The following PFKFB3 variants were observed in gnomAD, a reference collection of about 807,000 sequenced individuals.
The protein encoded by PFKFB3 is 6-phosphofructo-2-kinase/fructose-2,6-biphosphatase 3.
A neutral mutation model predicts 68.0 loss-of-function variants in PFKFB3; 33 were observed. The observed-to-expected ratio is 0.49, with a 90% confidence interval of 0.37 to 0.65. PFKFB3 has a LOEUF of 0.65. PFKFB3 is among the 30% of genes least tolerant of loss of function. The probability of loss-of-function intolerance (pLI) is 0.00; values close to 1 mark genes in which losing one functional copy is unlikely to be tolerated. For missense variants in PFKFB3, 586 were observed against 712.2 expected, an observed-to-expected ratio of 0.82 and a Z score of 2.02; for synonymous variants, 315 against 288.2, an observed-to-expected ratio of 1.09 and a Z score of -0.94.
intron 14 of PFKFB3, chr10:6,231,196 C>T (rs1320872869): frequency 8.8e-7 from 1 of 1,132,214 alleles, no homozygotes; most frequent in African/African-American, 1.5e-5. Context: ...GAAAATCCTA[C>T]TAAAGATTTT....
At chr10:6,325,102 T>TA in the PFKFB3 span, among the ~76,000 whole-genome samples, 7 of 152,088 alleles carry the variant, frequency 4.6e-5, no homozygotes. Context: ...TAGCTGGGGT[T>TA]ACAGGCGCCG....
intron 14 of PFKFB3, chr10:6,231,470 C>T (rs901046073): frequency 3.0e-5 from 30 of 985,226 alleles, no homozygotes; most frequent in African/African-American, 3.5e-5. Flanking sequence ...TAGTCTGTCT[C>T]TCACCCCCCA....
chr10:6,232,520 C>A (rs1202697741), intron 14 of PFKFB3, among the ~76,000 whole-genome samples: 1 of 152,138 alleles, frequency 6.6e-6, no homozygotes, highest in East Asian at 1.9e-4. Context: ...CTTGGAGGCC[C>A]CGGGCTCATC....
At chr10:6,225,474 C>G (rs1479732456) in intron 13 of PFKFB3, among the ~76,000 whole-genome samples, 3 of 152,218 alleles carry the variant, frequency 2.0e-5, no homozygotes, top group Non-Finnish European at 2.9e-5. Context: ...AGCCACTGCC[C>G]CCGCTATGGG....
At chr10:6,196,604 G>A (rs1212117790) in intron 1 of PFKFB3, among the ~76,000 whole-genome samples, 3 of 152,320 alleles carry the variant, frequency 2.0e-5, no homozygotes, top group Non-Finnish European at 4.4e-5. Context: ...ACAGGAGAAA[G>A]ATGTAGGCGC....
the PFKFB3 span, among the ~76,000 whole-genome samples, chr10:6,265,436 G>C: frequency 6.6e-6 from 1 of 152,224 alleles, no homozygotes; most frequent in East Asian, 1.9e-4. Flanking sequence ...CAATTTTGAA[G>C]AATACAAGCC....
At position 6,219,925 on chromosome 10, in the gene PFKFB3, T is replaced by C. The variant is rs35881449; in HGVS notation, c.623+232T>C. 3.0e-4 allele frequency among the ~76,000 whole-genome samples: 46 copies of C among 152,248 alleles called. 3 individuals are homozygous for C. The East Asian group carries it at 8.9e-3, about 29-fold the overall frequency. On this transcript the variant is annotated intron_variant, in intron 7 of 14. Transcript: ENST00000379775. Reference sequence around the variant, plus strand: ...TTTATCAACTCTCTTTGAAAATATCTTTTAAAAACAATCCTTGATGACAAA... The same window carrying C: ...TTTATCAACTCTCTTTGAAAATATCCTTTAAAAACAATCCTTGATGACAAA...
At chr10:6,177,421 CTTCCTTTCTT>C in intron 1 of PFKFB3, among the ~76,000 whole-genome samples, 63 of 78,950 alleles carry the variant, frequency 8.0e-4, no homozygotes, top group African/African-American at 2.5e-3. Flanking sequence ...CTTTCTCTTT[CTTCCTTTCTT>C]TTCTTTCTCT....
At chr10:6,157,128 G>A (rs1666887092) in intron 1 of PFKFB3, among the ~76,000 whole-genome samples, 1 of 151,706 alleles carries the variant, frequency 6.6e-6, no homozygotes, top group South Asian at 2.1e-4. Context: ...ATTTTAAAAA[G>A]CAATTCTGCC....
In PFKFB3 at chr10:6,203,110, A is replaced by G; in HGVS notation, c.-151A>G. 6.8e-7 allele frequency: 1 copy of G among 1,472,430 alleles called. No homozygotes were observed. The allele number at this position is 1,472,430 out of a possible 1,614,324, so 91.2% of individuals were successfully genotyped here. A position where few individuals can be genotyped will look rare whatever the true frequency, so the allele number is the denominator to read the frequency against. ...AGGCGAGGGTCCGGAACTTAGCCCA[A>G]AGCACGTTTCCCCTGGCAGCGCAGG... On this transcript the variant is annotated 5_prime_UTR_variant, in exon 1 of 15. Transcript: ENST00000379775.
intron 1 of PFKFB3, among the ~76,000 whole-genome samples, chr10:6,187,390 T>A (rs1842898659): frequency 6.6e-6 from 1 of 151,978 alleles, no homozygotes; most frequent in Non-Finnish European, 1.5e-5. Context: ...CAAGGGCCTT[T>A]TTGTCCTATC....
chr10:6,186,106 A>T (rs1309257671), intron 1 of PFKFB3, among the ~76,000 whole-genome samples: 1 of 152,170 alleles, frequency 6.6e-6, no homozygotes, highest in East Asian at 1.9e-4. Context: ...TTTCGGTGGT[A>T]TATGATGGAG....
At chr10:6,314,743 C>T in the PFKFB3 span, among the ~76,000 whole-genome samples, 5 of 152,114 alleles carry the variant, frequency 3.3e-5, no homozygotes, top group African/African-American at 1.2e-4. Context: ...ATGGCCGGGT[C>T]GAAGGGTAGG....
chr10:6,177,111 T>C (rs757562665), intron 1 of PFKFB3, among the ~76,000 whole-genome samples: 2 of 152,212 alleles, frequency 1.3e-5, no homozygotes, highest in African/African-American at 2.4e-5. Context: ...AGTGTCCTGG[T>C]TCAGCACTGA....
At chr10:6,262,336 C>A in the PFKFB3 span, among the ~76,000 whole-genome samples, 1 of 139,384 alleles carries the variant, frequency 7.2e-6, no homozygotes, top group East Asian at 2.1e-4. Flanking sequence ...TGCCTGTAGT[C>A]CCAGCTGCTC....
chr10:6,220,403 C>T lies in PFKFB3; in HGVS notation c.624-255C>T, dbSNP rs1844869249. On this transcript the variant is annotated intron_variant, in intron 7 of 14. Coordinates refer to ENST00000379775, the MANE Select transcript of PFKFB3 (RefSeq NM_004566.4). The surrounding 1 kb of genome is among the most constrained non-coding windows in gnomAD (Gnocchi z 4.1). ...CAGGCATGAGCCACTGCACAGGCCC[C>T]TTTCTTTTTTTCTCCATTTTCTTTC... is the stretch of plus-strand genomic sequence containing the variant. Among the ~76,000 whole-genome samples, 1 of 152,184 alleles carries T rather than the reference C, an allele frequency of 6.6e-6. No homozygotes were observed. The highest frequency in any genetic ancestry group is 1.9e-4 in the East Asian group (1 of 5,204).
chr10:6,226,479 G>A (rs886641322), intron 14 of PFKFB3, 114 bp downstream of exon 14: 16 of 950,704 alleles, frequency 1.7e-5, no homozygotes, highest in Admixed American at 1.3e-4. Context: ...GTGCGTGTGG[G>A]TGCGCGTGCG....
chr10:6,167,458 G>T lies in PFKFB3; in HGVS notation c.16+22445G>T, dbSNP rs117778769. Among the ~76,000 whole-genome samples the T allele has an allele frequency of 6.5e-3, 997 of 152,340 alleles. 7 individuals carry two copies. Among genetic ancestry groups the T allele is most frequent in the Non-Finnish European group, 0.012 (783 of 68,040 alleles). On this transcript the variant is annotated intron_variant, in intron 1 of 14. Transcript: ENST00000379789. ...CTCTGAAGAGAGGAATACTTTAGGA[G>T]TCTCTTTTTTGTTTCTGCCACATTT...
chr10:6,224,268 G>T (rs1845171348), intron 13 of PFKFB3, 55 bp downstream of exon 13: 1 of 1,569,426 alleles, frequency 6.4e-7, no homozygotes, highest in Non-Finnish European at 8.8e-7. Flanking sequence ...AGCCCTAGTG[G>T]GTGATGGGCG....
Sources: allele counts gnomAD v4.1 joint callset (sites outside exome capture counted in the v4.1 genomes callset), GRCh38; gene constraint gnomAD v4.1.1; non-coding constraint Gnocchi (gnomAD v3.1); transcripts MANE v1.5; gene names NCBI Gene and HGNC (gene_info 2026-07-23, HGNC 2026-07-21).